NAV3: variants seen among roughly 807,000 people sequenced by gnomAD.
NAV3 encodes the protein pore membrane and/or filament interacting like protein 1.
NAV3 carries 87 observed loss-of-function variants against 244.7 expected under a neutral mutation model. The ratio of observed to expected loss-of-function variants is 0.36; its 90% CI spans 0.30 to 0.42. NAV3 has a LOEUF of 0.42. Among genes scored for constraint, NAV3 ranks in the 20% least tolerant of loss-of-function variants. The pLI is 1.00. For synonymous variants in NAV3, 1,126 were observed against 1,042.2 expected (o/e 1.08, Z -1.55); for missense variants, 2,663 against 2,893.3 (o/e 0.92, Z 1.83).
rs573093196 is a variant in NAV3 at position 78,161,124 on chromosome 12, A to G, written c.4869+1838A>G. 2.6e-5 allele frequency among the ~76,000 whole-genome samples: 4 copies of G among 152,270 alleles called. No homozygotes were observed. The East Asian group carries it at 5.8e-4, about 22-fold the overall frequency. ...AATGAGAATTCTGGCTATGTCTGTT[A>G]AAAGCTGGGTAATCTTGAGCAAGTT... On this transcript the variant is annotated intron_variant, in intron 23 of 39. Transcript: ENST00000397909.
intron 1 of NAV3, among the ~76,000 whole-genome samples, chr12:77,910,724 G>A (rs954685905): frequency 4.5e-4 from 69 of 152,064 alleles, no homozygotes; most frequent in Admixed American, 4.5e-3. Flanking sequence ...GTCAGCCCTT[G>A]AGGAAAAATA....
chr12:77,741,098 T>C (rs1430364772), intron 2 of NAV3, among the ~76,000 whole-genome samples: 1 of 135,542 alleles, frequency 7.4e-6, no homozygotes, highest in Non-Finnish European at 1.5e-5. Flanking sequence ...GTATAAAGAA[T>C]TGGAGCCACT....
chr12:78,118,087 C>T lies in NAV3; in HGVS notation c.2830C>T (p.Leu944=), dbSNP rs779917036. 6.2e-7 allele frequency: 1 copy of T among 1,614,022 alleles called. No individual in the cohort carries two copies. Among genetic ancestry groups the T allele is most frequent in the Admixed American group, 1.7e-5 (1 of 60,014 alleles). Residue 944 remains leucine (L), a synonymous_variant, in exon 14 of 40, where the codon CTG becomes TTG. Coordinates refer to ENST00000397909, the MANE Select transcript of NAV3 (RefSeq NM_001024383.2). Reference sequence around the variant, plus strand: ...CGAGACCTGGGATAGTCCTGAGGAACTGAAAAAACCAGAAGAAGATTTTGA... The same window carrying T: ...CGAGACCTGGGATAGTCCTGAGGAATTGAAAAAACCAGAAGAAGATTTTGA... ...TDETWDSPEE[L]KKPEEDFDSH...
chr12:77,691,329 G>GTATATATATA (rs1350161105), intron 2 of NAV3, among the ~76,000 whole-genome samples: 10,574 of 65,974 alleles, frequency 0.16, 2,330 homozygotes, highest in Admixed American at 0.2. Context: ...AAGTATTTGT[G>GTATATATATA]TATGTGTGTA....
In NAV3 at chr12:77,851,054, A is replaced by G. The variant is rs1305237883; in HGVS notation, c.243+19350A>G. Among the ~76,000 whole-genome samples, 5 of 152,094 alleles carry G rather than the reference A, an allele frequency of 3.3e-5. No homozygotes were observed. In the East Asian group the frequency reaches 9.6e-4, roughly 29 times the overall value. Reference sequence around the variant, plus strand: ...CGCTGTCTCAAGCCATATCTACCTAACTGTGTCTTATCATTTTTCCTCTGC... The same window carrying G: ...CGCTGTCTCAAGCCATATCTACCTAGCTGTGTCTTATCATTTTTCCTCTGC... On this transcript the variant is annotated intron_variant, in intron 1 of 39. Coordinates refer to ENST00000397909, the MANE Select transcript of NAV3 (RefSeq NM_001024383.2).
At chr12:77,750,398 G>A (rs748362792) in intron 2 of NAV3, among the ~76,000 whole-genome samples, 1 of 151,968 alleles carries the variant, frequency 6.6e-6, no homozygotes, top group Non-Finnish European at 1.5e-5. Context: ...AACCTCTGTT[G>A]GCTTGCACTT....
intron 1 of NAV3, among the ~76,000 whole-genome samples, chr12:77,884,264 G>A (rs1398977159): frequency 1.3e-5 from 2 of 152,130 alleles, no homozygotes; most frequent in East Asian, 1.9e-4. Flanking sequence ...AGACAGATTA[G>A]ATGATGATTG....
At chr12:77,610,724 C>T (rs781341901) in intron 2 of NAV3, among the ~76,000 whole-genome samples, 4 of 152,014 alleles carry the variant, frequency 2.6e-5, no homozygotes, top group South Asian at 2.1e-4. Context: ...TGTGTCCCCA[C>T]AGCACTGAAA....
chr12:78,107,377 T>A (rs187688405), intron 12 of NAV3, among the ~76,000 whole-genome samples: 108 of 152,270 alleles, frequency 7.1e-4, no homozygotes, highest in African/African-American at 2.4e-3. Context: ...GTTTTAGATA[T>A]TTGGGATGCA....
At chr12:77,589,517 G>A (rs986455509) in intron 2 of NAV3, among the ~76,000 whole-genome samples, 3 of 152,152 alleles carry the variant, frequency 2.0e-5, no homozygotes, top group East Asian at 3.9e-4. Context: ...ACTTATGATC[G>A]TGGCAGAAGG....
At chr12:77,981,978 A>G (rs1341914031) in intron 5 of NAV3, among the ~76,000 whole-genome samples, 1 of 152,168 alleles carries the variant, frequency 6.6e-6, no homozygotes, top group South Asian at 2.1e-4. Flanking sequence ...AGGGCCAGAA[A>G]CAAGGATGAT....
chr12:77,963,928 C>G (rs953722637), intron 3 of NAV3, among the ~76,000 whole-genome samples: 1 of 115,468 alleles, frequency 8.7e-6, no homozygotes, highest in Non-Finnish European at 1.7e-5. Context: ...CTTCCTTCTT[C>G]TCCTCCTTCT....
chr12:77,715,858 C>T (rs1876335173), intron 2 of NAV3, among the ~76,000 whole-genome samples: 1 of 151,940 alleles, frequency 6.6e-6, no homozygotes, highest in African/African-American at 2.4e-5. Context: ...TGCAGAATGC[C>T]ATTTATGTAC....
intron 2 of NAV3, among the ~76,000 whole-genome samples, chr12:77,671,821 G>GA (rs1286743547): frequency 1.3e-5 from 2 of 152,072 alleles, no homozygotes; most frequent in African/African-American, 2.4e-5. Flanking sequence ...GATAACGTCA[G>GA]AAAAACCCTT....
intron 31 of NAV3, among the ~76,000 whole-genome samples, chr12:78,186,854 T>C (rs995190260): frequency 1.3e-5 from 2 of 151,862 alleles, no homozygotes; most frequent in African/African-American, 4.8e-5. Flanking sequence ...GAGGGCTCTC[T>C]TTTTGCATTG....
intron 2 of NAV3, among the ~76,000 whole-genome samples, chr12:77,575,583 A>C (rs1366504265): frequency 6.6e-6 from 1 of 152,158 alleles, no homozygotes; most frequent in Non-Finnish European, 1.5e-5. Context: ...CTGCCAGCTA[A>C]TTTTATTGCT....
At chr12:78,176,867 T>TTTTAAA (rs1365838111) in intron 26 of NAV3, among the ~76,000 whole-genome samples, 1 of 152,094 alleles carries the variant, frequency 6.6e-6, no homozygotes, top group Non-Finnish European at 1.5e-5. Flanking sequence ...AGGTACTTAG[T>TTTTAAA]TTTAAATGAG....
In NAV3 at chr12:78,173,331, G is replaced by C. The variant is rs1167881498; in HGVS notation, c.4982-1975G>C. On this transcript the variant is annotated intron_variant, in intron 24 of 39. Coordinates refer to ENST00000397909, the MANE Select transcript of NAV3 (RefSeq NM_001024383.2). The stretch of plus-strand genomic sequence containing the variant: ...ACTTCCAAGGACTACTTTTGACCTA[G>C]GATTACTATCTTTTTAAAAATTTAG... Among the ~76,000 whole-genome samples, 3 of 151,452 alleles carry C rather than the reference G, an allele frequency of 2.0e-5. No individual in the cohort carries two copies. The East Asian group carries it at 5.8e-4, about 29-fold the overall frequency.
upstream of NAV3, among the ~76,000 whole-genome samples, chr12:77,826,103 A>G (rs1202533112): frequency 1.3e-5 from 2 of 152,170 alleles, no homozygotes; most frequent in Admixed American, 1.3e-4. Context: ...TGTTTTGGAA[A>G]ATAGTGTGGC....
Sources: allele counts gnomAD v4.1 joint callset (sites outside exome capture counted in the v4.1 genomes callset), GRCh38; gene constraint gnomAD v4.1.1; transcripts MANE v1.5; gene names NCBI Gene and HGNC (gene_info 2026-07-23, HGNC 2026-07-21).